The following CLMP variants were observed in gnomAD, a reference collection of about 807,000 sequenced individuals.
CLMP encodes the protein CXADR-like membrane protein.
CLMP carries 27 observed loss-of-function variants against 45.2 expected under a neutral mutation model. The ratio of observed to expected loss-of-function variants is 0.60; its 90% CI spans 0.44 to 0.82. The LOEUF (loss-of-function observed/expected upper bound fraction) is 0.82, where lower values mean the gene tolerates loss of function less well. Ranked by LOEUF, CLMP falls within the 40% of genes least tolerant of loss-of-function variation. The pLI is 0.00. For synonymous variants in CLMP, 167 were observed against 171.4 expected, an observed-to-expected ratio of 0.97 and a Z score of 0.20; for missense variants, 403 against 448.4, an observed-to-expected ratio of 0.90 and a Z score of 0.91.
At chr11:123,119,979 G>A (rs557614377) in intron 1 of CLMP, among the ~76,000 whole-genome samples, 23 of 152,232 alleles carry the variant, frequency 1.5e-4, no homozygotes, top group South Asian at 1.2e-3. Context: ...GAGCCACCGC[G>A]CCTGGCATAG....
Position 123,084,609 on chromosome 11 carries a change from C to G in CLMP, c.291G>C (p.Gln97His). Residue 97 changes from glutamine to histidine, a missense_variant, in exon 3 of 7, where the codon CAG becomes CAC. By Grantham distance (24) the Gln-to-His change is conservative. Coordinates refer to ENST00000448775, the MANE Select transcript of CLMP (RefSeq NM_024769.5). ...SNFLAGDASLQIEPLKPSDEG... is the reference protein window; with the variant it reads ...SNFLAGDASLHIEPLKPSDEG... The stretch of plus-strand genomic sequence containing the variant: ...CATCACTGGGCTTCAGAGGTTCAAT[C>G]TGCAAGGAGGCATCTCCTGCCAGGA... 2 of 1,614,222 alleles carry G rather than the reference C, an allele frequency of 1.2e-6. No individual in the cohort carries two copies.
At chr11:123,137,362 A>G (rs1198578556) in intron 1 of CLMP, among the ~76,000 whole-genome samples, 1 of 151,460 alleles carries the variant, frequency 6.6e-6, no homozygotes, top group Non-Finnish European at 1.5e-5. Context: ...CCTTTCTTAA[A>G]GCTCAAAAAT....
intron 1 of CLMP, among the ~76,000 whole-genome samples, chr11:123,172,500 T>A (rs1433594622): frequency 6.6e-6 from 1 of 152,206 alleles, no homozygotes; most frequent in Non-Finnish European, 1.5e-5. Flanking sequence ...TGCTTTTTTT[T>A]AGACAGGGCC....
In CLMP at chr11:123,072,680, T is replaced by C. The variant is rs1350900849; in HGVS notation, c.*794A>G. ...GGAAAGTCCTTAGAGGCATCTGATT[T>C]GAGGGGAAATCCACAATTGCTCCAT... On this transcript the variant is annotated 3_prime_UTR_variant, in exon 7 of 7. Transcript: ENST00000448775. 1 of 152,218 alleles carries C rather than the reference T, an allele frequency of 6.6e-6. No individual in the cohort carries two copies. The highest frequency in any genetic ancestry group is 2.4e-5 in the African/African-American group (1 of 41,456). The allele number at this position is 152,218 out of a possible 1,614,324, so 9.4% of individuals were successfully genotyped here.
chr11:123,115,715 C>G (rs866659796), intron 1 of CLMP, among the ~76,000 whole-genome samples: 4 of 152,116 alleles, frequency 2.6e-5, no homozygotes, highest in Non-Finnish European at 5.9e-5. Flanking sequence ...GTGCTTGTTA[C>G]TTGGGTGTGA....
chr11:123,154,074 T>G (rs76656339), intron 1 of CLMP, among the ~76,000 whole-genome samples: 9,135 of 152,214 alleles, frequency 0.06, 288 homozygotes, highest in Middle Eastern at 0.078. Context: ...ATCATAATGC[T>G]GACCTTCCAG....
At chr11:123,157,160 C>T (rs10400224) in intron 1 of CLMP, among the ~76,000 whole-genome samples, 27,781 of 152,108 alleles carry the variant, frequency 0.18, 2,733 homozygotes, top group South Asian at 0.25. Context: ...TTTAGGACAT[C>T]AGATGTAACC....
At chr11:123,096,809 G>GTTTTGT (rs1865995785) in intron 2 of CLMP, among the ~76,000 whole-genome samples, 1 of 152,074 alleles carries the variant, frequency 6.6e-6, no homozygotes, top group South Asian at 2.1e-4. Context: ...TTTTGCTTTT[G>GTTTTGT]TTTTGTTTTT....
chr11:123,120,677 T>G (rs1186473451), intron 1 of CLMP, among the ~76,000 whole-genome samples: 1 of 152,208 alleles, frequency 6.6e-6, no homozygotes. Flanking sequence ...TTTGCTATTA[T>G]TGTTGTTATT....
intron 5 of CLMP, among the ~76,000 whole-genome samples, chr11:123,080,022 T>C (rs1462019828): frequency 6.6e-6 from 1 of 152,240 alleles, no homozygotes; most frequent in African/African-American, 2.4e-5. Flanking sequence ...TGGTGTTGGA[T>C]GATCTGCCTC....
intron 1 of CLMP, among the ~76,000 whole-genome samples, chr11:123,140,635 C>A (rs1186129952): frequency 6.6e-6 from 1 of 152,138 alleles, no homozygotes; most frequent in Non-Finnish European, 1.5e-5. Flanking sequence ...TCTCTGCCAA[C>A]TCTAGGCCAG....
intron 1 of CLMP, chr11:123,136,425 C>T (rs1188782483): frequency 2.4e-6 from 1 of 410,380 alleles, no homozygotes; most frequent in Admixed American, 3.8e-5. Flanking sequence ...TCCCCCCCAC[C>T]CCGCCCTCCT....
intron 1 of CLMP, among the ~76,000 whole-genome samples, 165 bp from the exon 2 acceptor site, chr11:123,098,117 C>T (rs899257542): frequency 6.6e-6 from 1 of 152,190 alleles, no homozygotes; most frequent in African/African-American, 2.4e-5. Flanking sequence ...CTCACACTGG[C>T]TCCTCCGTTA....
intron 1 of CLMP, among the ~76,000 whole-genome samples, chr11:123,107,330 A>C (rs1860574356): frequency 1.3e-5 from 2 of 151,862 alleles, no homozygotes; most frequent in African/African-American, 4.8e-5. Flanking sequence ...TCCTGGGTTC[A>C]AGCGATTCTC....
intron 1 of CLMP, among the ~76,000 whole-genome samples, chr11:123,117,183 G>A (rs919571856): frequency 2.6e-5 from 4 of 152,002 alleles, no homozygotes; most frequent in African/African-American, 9.7e-5. Flanking sequence ...TCTGAAAATT[G>A]TAAAATGCAT....
intron 2 of CLMP, among the ~76,000 whole-genome samples, chr11:123,094,044 T>C (rs1865963222): frequency 1.3e-5 from 2 of 152,314 alleles, no homozygotes; most frequent in South Asian, 4.1e-4. Flanking sequence ...TTTCACATTA[T>C]TTATGAAGGT....
intron 1 of CLMP, among the ~76,000 whole-genome samples, chr11:123,131,935 A>G (rs1225942924): frequency 6.6e-6 from 1 of 152,030 alleles, no homozygotes; most frequent in Non-Finnish European, 1.5e-5. Flanking sequence ...AATTTTTCTA[A>G]ACCTACGTTT....
intron 1 of CLMP, among the ~76,000 whole-genome samples, chr11:123,172,184 T>G (rs1023554165): frequency 1.3e-5 from 2 of 152,162 alleles, no homozygotes; most frequent in Admixed American, 6.5e-5. Context: ...GGAGTCTCGC[T>G]CTGTTGCCCA....
Position 123,131,209 on chromosome 11 carries a change from A to G in CLMP, c.29-33257T>C, listed in dbSNP as rs1860983347. 2.6e-5 allele frequency among the ~76,000 whole-genome samples: 4 copies of G among 152,096 alleles called. No homozygotes were observed. In the South Asian group the frequency reaches 8.3e-4, roughly 31 times the overall value. ...GGTGATCATTTTTCTTTCCCCCCAAATAGTATGACTGTTTAGTTTTAGATC... is the reference window on the plus strand; with the variant it reads ...GGTGATCATTTTTCTTTCCCCCCAAGTAGTATGACTGTTTAGTTTTAGATC... On this transcript the variant is annotated intron_variant, in intron 1 of 6. Transcript: ENST00000448775.
Sources: allele counts gnomAD v4.1 joint callset (sites outside exome capture counted in the v4.1 genomes callset), GRCh38; gene constraint gnomAD v4.1.1; transcripts MANE v1.5; gene names NCBI Gene and HGNC (gene_info 2026-07-23, HGNC 2026-07-21).